SLC23A2: variants seen among roughly 807,000 people sequenced by gnomAD.
SLC23A2 encodes Na(+)/L-ascorbic acid transporter 2.
Under a neutral mutation model 73.3 loss-of-function variants are expected in SLC23A2, and 36 were observed. The ratio of observed to expected loss-of-function variants is 0.49; its 90% confidence interval spans 0.38 to 0.65. SLC23A2 has a LOEUF of 0.65. Ranked by LOEUF, SLC23A2 falls within the 30% of genes least tolerant of loss-of-function variation. The pLI is 0.00. For missense variants in SLC23A2, 507 were observed against 841.6 expected (o/e 0.60, Z 4.92); for synonymous variants, 343 against 327.3 (o/e 1.05, Z -0.52).
At chr20:4,937,436 T>C (rs1300971265) in intron 2 of SLC23A2, among the ~76,000 whole-genome samples, 7 of 152,110 alleles carry the variant, frequency 4.6e-5, no homozygotes, top group African/African-American at 9.7e-5. Context: ...AGCAGAGGGA[T>C]AGAAGATCAT....
chr20:4,949,615 A>T (rs747747583), intron 2 of SLC23A2, among the ~76,000 whole-genome samples: 1 of 152,096 alleles, frequency 6.6e-6, no homozygotes, highest in Non-Finnish European at 1.5e-5. Flanking sequence ...CAAAACTGAG[A>T]ACTTCTCACC....
In SLC23A2 at chr20:4,955,977, G is replaced by A. The variant is rs189552106; in HGVS notation, c.-155+14816C>T. Among the ~76,000 whole-genome samples, 268 of 152,040 alleles carry A rather than the reference G, an allele frequency of 1.8e-3. 1 individual carries two copies. Among genetic ancestry groups the A allele is most frequent in the Middle Eastern group, 0.01 (3 of 294 alleles). ...TATATCCCTCTCCTTATATTAGGAG[G>A]AAAAATTATCAATAGCTCAATTCTT... On this transcript the variant is annotated intron_variant, in intron 2 of 16. Transcript: ENST00000338244.
intron 2 of SLC23A2, among the ~76,000 whole-genome samples, chr20:4,962,449 G>C (rs1254130236): frequency 6.6e-6 from 1 of 152,216 alleles, no homozygotes; most frequent in East Asian, 1.9e-4. Context: ...GACCAATGAA[G>C]GGGAGGAATG....
intron 2 of SLC23A2, among the ~76,000 whole-genome samples, chr20:4,956,917 C>T (rs541008049): frequency 1.3e-3 from 195 of 151,266 alleles, no homozygotes; most frequent in Non-Finnish European, 2.1e-3. Context: ...AAGCGATTCT[C>T]CTGCCTCCGC....
intron 2 of SLC23A2, among the ~76,000 whole-genome samples, chr20:4,943,873 G>A (rs144371340): frequency 2.0e-5 from 3 of 152,266 alleles, no homozygotes; most frequent in East Asian, 3.9e-4. Context: ...TGACGTGCCC[G>A]ACAGCACAAG....
intron 15 of SLC23A2, among the ~76,000 whole-genome samples, chr20:4,859,620 T>G (rs1405768472): frequency 6.6e-6 from 1 of 152,136 alleles, no homozygotes; most frequent in Non-Finnish European, 1.5e-5. Context: ...CCAACAGTGG[T>G]GCATAGAAGA....
At chr20:4,963,676 C>T (rs999292214) in intron 2 of SLC23A2, among the ~76,000 whole-genome samples, 1 of 152,024 alleles carries the variant, frequency 6.6e-6, no homozygotes, top group South Asian at 2.1e-4. Context: ...GGTGAAAACT[C>T]GTCTCTACTA....
intron 12 of SLC23A2, chr20:4,869,554 CA>C: frequency 4.1e-5 from 9 of 220,960 alleles, no homozygotes; most frequent in African/African-American, 9.1e-5. Context: ...CACACACACA[CA>C]CACACCCCAA....
chr20:4,951,358 A>G (rs1319608946), intron 2 of SLC23A2, among the ~76,000 whole-genome samples: 2 of 152,190 alleles, frequency 1.3e-5, no homozygotes, highest in East Asian at 1.9e-4. Flanking sequence ...TGGCATCACA[A>G]AAGACTGAAA....
chr20:4,935,940 CTTTTGTGGCT>C (rs1004992911), intron 2 of SLC23A2, among the ~76,000 whole-genome samples: 1 of 152,186 alleles, frequency 6.6e-6, no homozygotes, highest in Admixed American at 6.5e-5. Context: ...CACAGAGCCT[CTTTTGTGGCT>C]TATCCCCTTA....
intron 2 of SLC23A2, among the ~76,000 whole-genome samples, chr20:4,942,093 G>A (rs2087050661): frequency 6.6e-6 from 1 of 152,128 alleles, no homozygotes; most frequent in South Asian, 2.1e-4. Context: ...TTACTCCTCA[G>A]ACTCAAGTCC....
intron 2 of SLC23A2, among the ~76,000 whole-genome samples, chr20:4,938,794 T>A (rs1196015769): frequency 6.6e-6 from 1 of 152,172 alleles, no homozygotes; most frequent in Non-Finnish European, 1.5e-5. Context: ...CAGTCCCTCA[T>A]GGCCCCTACT....
chr20:4,948,361 C>T (rs1022551221), intron 2 of SLC23A2, among the ~76,000 whole-genome samples: 4 of 152,156 alleles, frequency 2.6e-5, no homozygotes, highest in African/African-American at 9.7e-5. Flanking sequence ...ACCACTTTCC[C>T]GGTCTCATCT....
At position 4,855,413 on chromosome 20, in the gene SLC23A2, CA is replaced by C. The variant is rs1929679040; in HGVS notation, c.*1558del. On this transcript the variant is annotated 3_prime_UTR_variant, in exon 17 of 17. Coordinates refer to ENST00000338244, the MANE Select transcript of SLC23A2 (RefSeq NM_005116.6). Reference sequence around the variant, plus strand: ...AGGCCAACGGCCACCGAAGATGTGCCACCTCATGAAGCGAGGGCACTGCTTC... The same window carrying C: ...AGGCCAACGGCCACCGAAGATGTGCCCCTCATGAAGCGAGGGCACTGCTTC... The C allele has an allele frequency of 6.6e-6, 1 of 152,244 alleles. No homozygotes were observed. Among genetic ancestry groups the C allele is most frequent in the Admixed American group, 6.5e-5 (1 of 15,284 alleles). The allele number at this position is 152,244 out of a possible 1,614,324, so 9.4% of individuals were successfully genotyped here. A position where few individuals can be genotyped will look rare whatever the true frequency, so the allele number is the denominator to read the frequency against.
At chr20:4,871,021 AT>A (rs1226090545) in intron 11 of SLC23A2, among the ~76,000 whole-genome samples, 9 of 152,192 alleles carry the variant, frequency 5.9e-5, no homozygotes, top group Non-Finnish European at 1.2e-4. Flanking sequence ...TCACAAGTAT[AT>A]TTATTTGGAC....
chr20:4,933,067 A>G (rs1246665204), intron 2 of SLC23A2, among the ~76,000 whole-genome samples: 2 of 152,228 alleles, frequency 1.3e-5, no homozygotes, highest in Non-Finnish European at 2.9e-5. Flanking sequence ...GAGATGTTAT[A>G]TATCTGTCCT....
intron 2 of SLC23A2, among the ~76,000 whole-genome samples, chr20:4,944,578 T>C (rs1474039551): frequency 6.6e-6 from 1 of 152,204 alleles, no homozygotes; most frequent in Non-Finnish European, 1.5e-5. Context: ...ATTCTCATGC[T>C]AGAGGTCCTC....
At chr20:4,973,900 C>T (rs2087603682) in intron 1 of SLC23A2, among the ~76,000 whole-genome samples, 1 of 152,172 alleles carries the variant, frequency 6.6e-6, no homozygotes, top group African/African-American at 2.4e-5. Context: ...ATACTACATG[C>T]TGTGGTTTCC....
At chr20:4,904,742 G>C (rs1306810692) in intron 4 of SLC23A2, among the ~76,000 whole-genome samples, 1 of 152,180 alleles carries the variant, frequency 6.6e-6, no homozygotes, top group East Asian at 1.9e-4. Flanking sequence ...CCCTATCATA[G>C]ACTAGTACAA....
Sources: gnomAD v4.1 joint callset for allele counts (sites outside exome capture counted in the v4.1 genomes callset) on GRCh38, gnomAD v4.1.1 for gene constraint, MANE v1.5 for transcripts, NCBI Gene and HGNC (gene_info 2026-07-23, HGNC 2026-07-21) for gene names.